Variants in GOT2 observed in about 807,000 individuals in gnomAD.
GOT2 encodes the protein glutamic-oxaloacetic transaminase 2.
A neutral mutation model predicts 50.0 loss-of-function variants in GOT2; 17 were observed. The observed-to-expected ratio is 0.34, with a 90% CI of 0.23 to 0.51. The LOEUF is 0.51. Ranked by LOEUF, GOT2 falls within the 20% of genes least tolerant of loss-of-function variation. The pLI is 0.97. For missense variants in GOT2, 430 were observed against 559.6 expected, an observed-to-expected ratio of 0.77 and a Z score of 2.34; for synonymous variants, 172 against 204.9, an observed-to-expected ratio of 0.84 and a Z score of 1.37.
At chr16:58,717,289 AT>A (rs1302872763) in intron 6 of GOT2, among the ~76,000 whole-genome samples, 1 of 151,870 alleles carries the variant, frequency 6.6e-6, no homozygotes, top group Non-Finnish European at 1.5e-5. Flanking sequence ...AGGTAGGAGG[AT>A]TGTTTGAGCC....
At position 58,727,998 on chromosome 16, in the gene GOT2, G is replaced by A. The variant is rs538119306; in HGVS notation, c.90-4096C>T. On this transcript the variant is annotated intron_variant, in intron 1 of 9. Transcript: ENST00000245206. Reference sequence around the variant, plus strand: ...CTTTCCCAACAAAGGTTCTCTTAATGTACTTGTGGCTAGTCAGCACTCATA... The same window carrying A: ...CTTTCCCAACAAAGGTTCTCTTAATATACTTGTGGCTAGTCAGCACTCATA... Among the ~76,000 whole-genome samples, 243 of 151,934 alleles carry A rather than the reference G, an allele frequency of 1.6e-3. 1 individual carries two copies. Among genetic ancestry groups the A allele is most frequent in the African/African-American group, 5.6e-3 (233 of 41,372 alleles).
In GOT2 at chr16:58,716,694, G is replaced by T; in HGVS notation, c.822C>A (p.Cys274Ter). The change falls in exon 7 of 10, where the codon TGC becomes TGA. Residue 274 changes from cysteine (C) to a stop codon, truncating the protein, a stop_gained. Coordinates refer to ENST00000245206, the MANE Select transcript of GOT2 (RefSeq NM_002080.4). LOFTEE classifies it high-confidence loss of function. ...AGCCCATGTTCTTGGCATATGATTGGCAGAGGCAAACATTAATGCCCTGTT... is the reference window on the plus strand; with the variant it reads ...AGCCCATGTTCTTGGCATATGATTGTCAGAGGCAAACATTAATGCCCTGTT... ...FIEQGINVCL[C>*]QSYAKNMGLY... 6.2e-7 allele frequency: 1 copy of T among 1,613,756 alleles called. No individual in the cohort carries two copies. The highest frequency in any genetic ancestry group is 8.5e-7 in the Non-Finnish European group (1 of 1,179,750).
chr16:58,708,520 G>GCTGGAAC (rs1183079765), intron 9 of GOT2, among the ~76,000 whole-genome samples: 25 of 152,138 alleles, frequency 1.6e-4, no homozygotes, highest in Middle Eastern at 3.4e-3. Flanking sequence ...CAGGAGAATA[G>GCTGGAAC]CTGGAACCTG....
chr16:58,719,065 GAGAAT>G, intron 4 of GOT2, 126 bp downstream of exon 4: 1 of 696,188 alleles, frequency 1.4e-6, no homozygotes. Context: ...ATTTTTTCAT[GAGAAT>G]AGGACATCTG....
intron 1 of GOT2, among the ~76,000 whole-genome samples, chr16:58,731,495 A>G (rs1483113686): frequency 6.6e-6 from 1 of 152,246 alleles, no homozygotes; most frequent in Non-Finnish European, 1.5e-5. Flanking sequence ...CTGCATTTTT[A>G]AAGTCTCACG....
At chr16:58,712,144 C>T (rs575277674) in intron 8 of GOT2, among the ~76,000 whole-genome samples, 38 of 152,150 alleles carry the variant, frequency 2.5e-4, no homozygotes, top group Middle Eastern at 3.4e-3. Context: ...GTCCTCATTA[C>T]ATCTTCTCTA....
At chr16:58,708,441 A>C in intron 9 of GOT2, 148 bp from the exon 10 acceptor site, 1 of 727,332 alleles carries the variant, frequency 1.4e-6, no homozygotes, top group Non-Finnish European at 2.2e-6. Context: ...ATAAAATAAG[A>C]ATAAAAAGCT....
chr16:58,718,538 C>T lies in GOT2; in HGVS notation c.586G>A (p.Glu196Lys), dbSNP rs1597701057. ...AAAGCCACACTTACTGAAATATCCTCCACAGCGCCTGTGAAGTCAAAACCG... is the reference window on the plus strand; with the variant it reads ...AAAGCCACACTTACTGAAATATCCTTCACAGCGCCTGTGAAGTCAAAACCG... ...TCGFDFTGAV[E>K]DISKIPEQSV... Residue 196 changes from glutamate (E) to lysine (K), a missense_variant, in exon 5 of 10, where the codon GAG becomes AAG. By Grantham distance (56) the Glu-to-Lys change is moderately conservative. Coordinates refer to ENST00000245206, the MANE Select transcript of GOT2 (RefSeq NM_002080.4). 6.3e-7 allele frequency: 1 copy of T among 1,582,364 alleles called. No individual in the cohort carries two copies. The highest frequency in any genetic ancestry group is 1.4e-5 in the African/African-American group (1 of 73,394).
At chr16:58,708,464 G>A (rs2044620662) in intron 9 of GOT2, among the ~76,000 whole-genome samples, 171 bp from the exon 10 acceptor site, 3 of 152,132 alleles carry the variant, frequency 2.0e-5, no homozygotes, top group Non-Finnish European at 2.9e-5. Flanking sequence ...TTTAAGGCTG[G>A]GGCGGTGGCT....
chr16:58,717,713 A>T (rs1774385026), intron 6 of GOT2, among the ~76,000 whole-genome samples: 1 of 152,188 alleles, frequency 6.6e-6, no homozygotes, highest in South Asian at 2.1e-4. Context: ...TTTTAGAGAC[A>T]GAGTTTTGCT....
chr16:58,710,962 TG>T (rs2152093491), intron 8 of GOT2, among the ~76,000 whole-genome samples: 1 of 100,830 alleles, frequency 9.9e-6, no homozygotes, highest in East Asian at 2.7e-4. Flanking sequence ...AGCAAGACTC[TG>T]TCTCAAAAAA....
Position 58,716,773 on chromosome 16 carries a change from C to T in GOT2, c.743G>A (p.Gly248Asp), listed in dbSNP as rs764422535. Residue 248 changes from glycine (G) to aspartate (D), a missense_variant, in exon 7 of 10, where the codon GGC (glycine) becomes GAC (aspartate). By Grantham distance (94) the Gly-to-Asp change is moderately conservative. Transcript: ENST00000245206. ...CTTATCACCATCACCACTGGCAAAGCCTTGGTAGGCCATGTCAAAGAACGC... is the reference window on the plus strand; with the variant it reads ...CTTATCACCATCACCACTGGCAAAGTCTTGGTAGGCCATGTCAAAGAACGC... ...LFAFFDMAYQ[G>D]FASGDGDKDA... The T allele has an allele frequency of 6.2e-7, 1 of 1,614,100 alleles. No homozygotes were observed. The highest frequency in any genetic ancestry group is 8.5e-7 in the Non-Finnish European group (1 of 1,179,968).
chr16:58,718,594 T>C lies in GOT2; in HGVS notation c.530A>G (p.Gln177Arg). The C allele has an allele frequency of 6.2e-7, 1 of 1,611,808 alleles. No homozygotes were observed. Residue 177 changes from glutamine (Q) to arginine (R), a missense_variant, in exon 5 of 10, where the codon CAA becomes CGA. By Grantham distance (43) the Gln-to-Arg change is conservative (BLOSUM62 1). Transcript: ENST00000245206. The part of the protein sequence containing the change: ...PIFRDAGMQL[Q>R]GYRYYDPKTC... ...CTTGGGGTCATAATACCGATAACCT[T>C]GTAGCTGCATGCCAGCATCCCTGAA...
chr16:58,732,847 CA>C (rs905871351), intron 1 of GOT2, among the ~76,000 whole-genome samples: 1 of 152,158 alleles, frequency 6.6e-6, no homozygotes, highest in African/African-American at 2.4e-5. Flanking sequence ...TTTGGTTTTC[CA>C]AATTTGTTGC....
At chr16:58,727,518 C>T (rs1398816460) in intron 1 of GOT2, among the ~76,000 whole-genome samples, 1 of 152,124 alleles carries the variant, frequency 6.6e-6, no homozygotes, top group Non-Finnish European at 1.5e-5. Flanking sequence ...AAGAAGAGTA[C>T]AACACAATCC....
intron 1 of GOT2, among the ~76,000 whole-genome samples, chr16:58,732,219 C>T (rs2044839696): frequency 6.6e-6 from 1 of 151,992 alleles, no homozygotes; most frequent in South Asian, 2.1e-4. Context: ...GCAGGAGGAC[C>T]ACTTGAGCCT....
At chr16:58,713,284 A>T (rs1464219206) in intron 8 of GOT2, among the ~76,000 whole-genome samples, 2 of 152,190 alleles carry the variant, frequency 1.3e-5, no homozygotes, top group African/African-American at 2.4e-5. Flanking sequence ...GCTGCAAAAA[A>T]ATATAACTTA....
intron 8 of GOT2, among the ~76,000 whole-genome samples, chr16:58,715,174 C>T (rs945974307): frequency 6.6e-6 from 1 of 152,148 alleles, no homozygotes; most frequent in Non-Finnish European, 1.5e-5. Flanking sequence ...CAGCAAGACC[C>T]TGTCTCTACA....
intron 1 of GOT2, among the ~76,000 whole-genome samples, chr16:58,732,922 T>C (rs1484860657): frequency 6.6e-6 from 1 of 152,138 alleles, no homozygotes; most frequent in Non-Finnish European, 1.5e-5. Flanking sequence ...ACGTTGACAG[T>C]GGGCCAGGAA....
Sources: gnomAD v4.1 joint callset for allele counts (sites outside exome capture counted in the v4.1 genomes callset) on GRCh38, gnomAD v4.1.1 for gene constraint, MANE v1.5 for transcripts, NCBI Gene and HGNC (gene_info 2026-07-23, HGNC 2026-07-21) for gene names.